Variants in SSBP2 observed in about 807,000 individuals in gnomAD.
The protein encoded by SSBP2 is single stranded DNA binding protein 2.
A neutral mutation model predicts 61.8 loss-of-function variants in SSBP2; 17 were observed. That is an observed-to-expected ratio of 0.28 (90% CI 0.19 to 0.41). The LOEUF (loss-of-function observed/expected upper bound fraction) is 0.41, where lower values mean the gene tolerates loss of function less well. SSBP2 is among the 10% of genes least tolerant of loss of function. SSBP2 has a pLI of 1.00. For missense variants in SSBP2, 310 were observed against 458.7 expected (o/e 0.68, Z 2.96); for synonymous variants, 139 against 141.3 (o/e 0.98, Z 0.12).
At chr5:81,656,357 T>C (rs1750208669) in intron 1 of SSBP2, among the ~76,000 whole-genome samples, 1 of 152,094 alleles carries the variant, frequency 6.6e-6, no homozygotes, top group Non-Finnish European at 1.5e-5. Context: ...GCCAGATATA[T>C]AAAAATTTAA....
intron 2 of SSBP2, among the ~76,000 whole-genome samples, chr5:81,642,643 T>C (rs1748892651): frequency 6.6e-6 from 1 of 152,332 alleles, no homozygotes; most frequent in African/African-American, 2.4e-5. Context: ...ACAATTTTCA[T>C]TGAAGCATTG....
chr5:81,675,165 A>AC (rs1490382564), intron 1 of SSBP2, among the ~76,000 whole-genome samples: 3 of 152,146 alleles, frequency 2.0e-5, no homozygotes, highest in African/African-American at 7.2e-5. Flanking sequence ...GCACACACAC[A>AC]CAATTTTAAT....
intron 1 of SSBP2, among the ~76,000 whole-genome samples, chr5:81,697,073 A>G (rs1413069057): frequency 6.6e-6 from 1 of 152,184 alleles, no homozygotes; most frequent in African/African-American, 2.4e-5. Flanking sequence ...CCTTCAAGCA[A>G]TATGAGATGA....
intron 4 of SSBP2, among the ~76,000 whole-genome samples, chr5:81,541,266 T>C (rs866915058): frequency 3.3e-5 from 5 of 152,096 alleles, no homozygotes; most frequent in African/African-American, 7.2e-5. Context: ...ACAGAAGTCA[T>C]AGAAGACACA....
intron 4 of SSBP2, among the ~76,000 whole-genome samples, chr5:81,595,983 A>G (rs1450108820): frequency 6.6e-6 from 1 of 152,030 alleles, no homozygotes; most frequent in South Asian, 2.1e-4. Flanking sequence ...CCTATTCAAC[A>G]TAGTGTTGGA....
intron 1 of SSBP2, among the ~76,000 whole-genome samples, chr5:81,721,992 A>G (rs1010555848): frequency 3.3e-5 from 5 of 150,940 alleles, no homozygotes; most frequent in African/African-American, 9.8e-5. Flanking sequence ...CTAAACACAG[A>G]AAAAACAAAA....
At chr5:81,467,820 C>T (rs1348847404) in intron 8 of SSBP2, among the ~76,000 whole-genome samples, 1 of 151,904 alleles carries the variant, frequency 6.6e-6, no homozygotes, top group Non-Finnish European at 1.5e-5. Flanking sequence ...TACTCTTTTT[C>T]AATTTCCTTT....
intron 2 of SSBP2, among the ~76,000 whole-genome samples, chr5:81,642,777 T>G (rs1227679361): frequency 6.6e-6 from 1 of 152,150 alleles, no homozygotes; most frequent in Non-Finnish European, 1.5e-5. Context: ...TGACATTTCA[T>G]GAACCAATAT....
At chr5:81,565,173 C>A (rs556535848) in intron 4 of SSBP2, among the ~76,000 whole-genome samples, 1 of 152,014 alleles carries the variant, frequency 6.6e-6, no homozygotes, top group Non-Finnish European at 1.5e-5. Flanking sequence ...ATTTCTAAAT[C>A]AAAAAATGGG....
At chr5:81,466,330 T>C (rs1764889456) in intron 9 of SSBP2, among the ~76,000 whole-genome samples, 1 of 151,976 alleles carries the variant, frequency 6.6e-6, no homozygotes, top group South Asian at 2.1e-4. Context: ...CTACTCTCTT[T>C]GGGTTGGAAA....
At chr5:81,529,099 T>C (rs1770188835) in intron 4 of SSBP2, among the ~76,000 whole-genome samples, 1 of 152,100 alleles carries the variant, frequency 6.6e-6, no homozygotes, top group South Asian at 2.1e-4. Context: ...GAATGTAAGA[T>C]ACTATTTCTA....
intron 4 of SSBP2, among the ~76,000 whole-genome samples, chr5:81,567,709 T>C (rs887306844): frequency 5.3e-5 from 8 of 152,312 alleles, no homozygotes; most frequent in African/African-American, 1.9e-4. Flanking sequence ...GGAGGCAGAC[T>C]GTACCCTGCA....
chr5:81,488,795 C>T (rs1379363799), intron 6 of SSBP2, among the ~76,000 whole-genome samples: 3 of 146,910 alleles, frequency 2.0e-5, no homozygotes, highest in Non-Finnish European at 4.5e-5. Flanking sequence ...TGAGTGAGAA[C>T]ATGTGGTGTT....
At chr5:81,487,255 A>T (rs1255382135) in intron 6 of SSBP2, among the ~76,000 whole-genome samples, 3 of 152,216 alleles carry the variant, frequency 2.0e-5, no homozygotes, top group Non-Finnish European at 4.4e-5. Context: ...TTCTCGGGTT[A>T]TATACATACA....
chr5:81,633,545 T>C (rs958412310), intron 3 of SSBP2, among the ~76,000 whole-genome samples: 2 of 152,064 alleles, frequency 1.3e-5, no homozygotes, highest in African/African-American at 4.8e-5. Flanking sequence ...TCTCTCTCTT[T>C]CTTTTTTTAG....
intron 4 of SSBP2, among the ~76,000 whole-genome samples, chr5:81,549,973 T>C (rs558812462): frequency 2.6e-5 from 4 of 152,354 alleles, no homozygotes; most frequent in Admixed American, 1.3e-4. Flanking sequence ...ATAGCAGTCT[T>C]CTTTTGAGAG....
chr5:81,439,507 T>TA (rs1762876973), intron 14 of SSBP2, among the ~76,000 whole-genome samples: 1 of 109,708 alleles, frequency 9.1e-6, no homozygotes, highest in African/African-American at 6.9e-5. Context: ...GTTTTCTTTT[T>TA]CTTTTTTTTT....
At chr5:81,449,764 T>G (rs1400396639) in intron 10 of SSBP2, among the ~76,000 whole-genome samples, 2 of 152,250 alleles carry the variant, frequency 1.3e-5, no homozygotes, top group Non-Finnish European at 2.9e-5. Context: ...TTAAGTTATT[T>G]GAAAAGCTTT....
intron 6 of SSBP2, among the ~76,000 whole-genome samples, chr5:81,476,128 C>T (rs997860261): frequency 6.6e-6 from 1 of 151,938 alleles, no homozygotes; most frequent in Admixed American, 6.6e-5. Context: ...TTCAGAACTA[C>T]TTAATAGCAA....
Sources: gnomAD v4.1 joint callset for allele counts (sites outside exome capture counted in the v4.1 genomes callset) on GRCh38, gnomAD v4.1.1 for gene constraint, MANE v1.5 for transcripts, NCBI Gene and HGNC (gene_info 2026-07-23, HGNC 2026-07-21) for gene names.